CA10: variants seen among roughly 807,000 people sequenced by gnomAD.
The protein encoded by CA10 is carbonic anhydrase 10 (inactive).
In CA10, 14 loss-of-function variants were observed where a neutral mutation model predicts 44.2. That is an observed-to-expected ratio of 0.32 (90% CI 0.21 to 0.50). CA10 has a LOEUF of 0.50. CA10 is among the 20% of genes least tolerant of loss of function. The pLI, the probability that CA10 is intolerant of heterozygous loss-of-function variation, is 0.99. For synonymous variants in CA10, 159 were observed against 141.6 expected (o/e 1.12, Z -0.87); for missense variants, 350 against 409.7 (o/e 0.85, Z 1.26).
chr17:52,121,650 A>C (rs151099368), intron 1 of CA10, among the ~76,000 whole-genome samples: 1 of 136,176 alleles, frequency 7.3e-6, no homozygotes, highest in Non-Finnish European at 1.5e-5. Context: ...GGGAATCTCT[A>C]TCTATCTCTA....
chr17:51,908,948 A>G (rs9914746), intron 3 of CA10, among the ~76,000 whole-genome samples: 24,424 of 152,038 alleles, frequency 0.16, 2,133 homozygotes, highest in South Asian at 0.31. Context: ...AAAATAGGCC[A>G]CTCTCACTGA....
At chr17:52,006,749 A>C (rs1985612844) in intron 2 of CA10, among the ~76,000 whole-genome samples, 1 of 151,874 alleles carries the variant, frequency 6.6e-6, no homozygotes, top group Non-Finnish European at 1.5e-5. Flanking sequence ...TAGCTCATTC[A>C]AGTTCAATAA....
At position 51,926,213 on chromosome 17, in the gene CA10, G is replaced by A. The variant is rs965725699; in HGVS notation, c.279+4777C>T. On this transcript the variant is annotated intron_variant, in intron 3 of 8. Coordinates refer to ENST00000451037, the MANE Select transcript of CA10 (RefSeq NM_020178.5). ...AGTGGAGAGGAACTTAGACCCCACA[G>A]CATTGGACTGGAAGTGTCAGGAGCT... is the stretch of plus-strand genomic sequence containing the variant. 2.0e-5 allele frequency among the ~76,000 whole-genome samples: 3 copies of A among 152,246 alleles called. No homozygotes were observed. The East Asian group carries it at 5.8e-4, about 29-fold the overall frequency.
intron 2 of CA10, among the ~76,000 whole-genome samples, chr17:51,991,781 A>G (rs962395835): frequency 6.6e-6 from 1 of 152,108 alleles, no homozygotes; most frequent in Non-Finnish European, 1.5e-5. Flanking sequence ...TGCACTCCAG[A>G]CTGGGCAACA....
At chr17:51,958,498 A>C (rs1450071931) in intron 2 of CA10, among the ~76,000 whole-genome samples, 1 of 152,186 alleles carries the variant, frequency 6.6e-6, no homozygotes, top group Non-Finnish European at 1.5e-5. Context: ...ATAGCTCATA[A>C]TTGTGCCTAG....
At chr17:51,820,195 C>G (rs536933825) in intron 3 of CA10, among the ~76,000 whole-genome samples, 1,952 of 134,010 alleles carry the variant, frequency 0.015, 16 homozygotes, top group Middle Eastern at 0.025. Flanking sequence ...GCCCCCCCCC[C>G]CCCAGGTAAT....
intron 2 of CA10, among the ~76,000 whole-genome samples, chr17:52,059,338 GA>G (rs1481914218): frequency 6.6e-6 from 1 of 152,116 alleles, no homozygotes; most frequent in Non-Finnish European, 1.5e-5. Flanking sequence ...TTCTATAGGT[GA>G]GGAAAACAAG....
chr17:52,125,610 C>T (rs1051817656), intron 1 of CA10, among the ~76,000 whole-genome samples: 2 of 152,142 alleles, frequency 1.3e-5, no homozygotes, highest in Admixed American at 6.5e-5. Flanking sequence ...TTGTCCAAAT[C>T]ATTCTTCGGT....
intron 6 of CA10, among the ~76,000 whole-genome samples, chr17:51,644,017 C>T (rs1226717236): frequency 6.6e-6 from 1 of 152,180 alleles, no homozygotes; most frequent in African/African-American, 2.4e-5. Context: ...GAACACACTG[C>T]CTCCCATGGG....
rs556651410 is a variant in CA10 at position 52,058,787 on chromosome 17, T to C, written c.136+13532A>G. 1.7e-4 allele frequency among the ~76,000 whole-genome samples: 26 copies of C among 152,286 alleles called. No homozygotes were observed. In the East Asian group the frequency reaches 5.0e-3, roughly 29 times the overall value. On this transcript the variant is annotated intron_variant, in intron 2 of 8. Coordinates refer to ENST00000451037, the MANE Select transcript of CA10 (RefSeq NM_020178.5). ...AGGTAGGGTTAGTTGTTTTCTTTTT[T>C]CTGCAGCCAATCCACATGTGTGGAT... is the stretch of plus-strand genomic sequence containing the variant.
At chr17:51,970,409 T>G (rs1188450152) in intron 2 of CA10, among the ~76,000 whole-genome samples, 3 of 151,976 alleles carry the variant, frequency 2.0e-5, no homozygotes, top group African/African-American at 7.2e-5. Context: ...CTCTTACACA[T>G]GAGGAATAAA....
rs143874884 is a variant in CA10 at position 51,761,214 on chromosome 17, C to CA, written c.280-13397dup. 8.9e-4 allele frequency: 135 copies of CA among 152,260 alleles called. 1 individual carries two copies. Among genetic ancestry groups the CA allele is most frequent in the African/African-American group, 3.2e-3 (133 of 41,528 alleles). The allele number at this position is 152,260 out of a possible 1,614,324, so 9.4% of individuals were successfully genotyped here. On this transcript the variant is annotated intron_variant, in intron 3 of 8. Coordinates refer to ENST00000451037, the MANE Select transcript of CA10 (RefSeq NM_020178.5). Reference sequence around the variant, plus strand: ...GTAACTTATATTTGTTTCCTACCCCCAAAACAGACAGATAGCCCTCTATCT... The same window carrying CA: ...GTAACTTATATTTGTTTCCTACCCCCAAAAACAGACAGATAGCCCTCTATCT...
chr17:51,848,237 T>C (rs1390191838), intron 3 of CA10, among the ~76,000 whole-genome samples: 2 of 152,242 alleles, frequency 1.3e-5, no homozygotes, highest in Admixed American at 6.5e-5. Context: ...CTTAGTCCAT[T>C]CAGATTCTGT....
At chr17:51,692,336 TTCTA>T (rs1431637327) in intron 4 of CA10, among the ~76,000 whole-genome samples, 1 of 151,360 alleles carries the variant, frequency 6.6e-6, no homozygotes, top group Non-Finnish European at 1.5e-5. Flanking sequence ...ACAGTTTGTT[TTCTA>T]TCTACCTACC....
intron 4 of CA10, among the ~76,000 whole-genome samples, chr17:51,693,871 T>C (rs896913112): frequency 3.8e-4 from 58 of 152,154 alleles, no homozygotes; most frequent in African/African-American, 1.3e-3. Flanking sequence ...CATAATGGGA[T>C]TGTGAGGTTG....
chr17:51,971,164 C>G (rs1323769802), intron 2 of CA10, among the ~76,000 whole-genome samples: 1 of 152,024 alleles, frequency 6.6e-6, no homozygotes, highest in African/African-American at 2.4e-5. Flanking sequence ...TTTGGAAAGT[C>G]TCAAACCACT....
intron 1 of CA10, among the ~76,000 whole-genome samples, chr17:52,079,179 G>A (rs959330209): frequency 6.6e-6 from 1 of 152,150 alleles, no homozygotes; most frequent in Non-Finnish European, 1.5e-5. Context: ...CCAGCTACTC[G>A]GGAGGCCAAG....
intron 3 of CA10, among the ~76,000 whole-genome samples, chr17:51,772,167 T>G (rs1905635980): frequency 6.6e-6 from 1 of 152,236 alleles, no homozygotes. Flanking sequence ...GCTACTGTTT[T>G]GTTGTGAAGA....
At chr17:51,956,045 A>T (rs1206917589) in intron 2 of CA10, among the ~76,000 whole-genome samples, 5 of 152,182 alleles carry the variant, frequency 3.3e-5, no homozygotes, top group African/African-American at 4.8e-5. Context: ...GATAGTATAG[A>T]CAGTTCCCCA....
Sources: gnomAD v4.1 joint callset for allele counts (sites outside exome capture counted in the v4.1 genomes callset) on GRCh38, gnomAD v4.1.1 for gene constraint, MANE v1.5 for transcripts, NCBI Gene and HGNC (gene_info 2026-07-23, HGNC 2026-07-21) for gene names.